MAPK4: variants seen among roughly 807,000 people sequenced by gnomAD.
The protein encoded by MAPK4 is mitogen-activated protein kinase 4.
In MAPK4, 22 loss-of-function variants were observed where a neutral mutation model predicts 47.7. The ratio of observed to expected loss-of-function variants is 0.46; its 90% confidence interval spans 0.33 to 0.66. The LOEUF (loss-of-function observed/expected upper bound fraction) is 0.66. Among genes scored for constraint, MAPK4 ranks in the 30% least tolerant of loss-of-function variants. MAPK4 has a pLI of 0.02. For missense variants in MAPK4, 736 were observed against 831.7 expected, an observed-to-expected ratio of 0.88 and a Z score of 1.42; for synonymous variants, 390 against 365.7, an observed-to-expected ratio of 1.07 and a Z score of -0.76.
chr18:50,627,762 G>T (rs561364689), intron 1 of MAPK4, among the ~76,000 whole-genome samples: 125 of 152,290 alleles, frequency 8.2e-4, no homozygotes, highest in Admixed American at 1.4e-3. Context: ...AGAATGCAGG[G>T]TCTCCCATGC....
At chr18:50,630,987 C>A (rs955790703) in intron 1 of MAPK4, among the ~76,000 whole-genome samples, 1 of 152,200 alleles carries the variant, frequency 6.6e-6, no homozygotes, top group East Asian at 1.9e-4. Context: ...TTTTACTACT[C>A]CCTAAAATTT....
chr18:50,580,997 C>T (rs141823748), intron 1 of MAPK4, among the ~76,000 whole-genome samples: 129 of 152,306 alleles, frequency 8.5e-4, no homozygotes, highest in African/African-American at 3.1e-3. Flanking sequence ...CTTCTGCTTA[C>T]CCAGTAGCAC....
chr18:50,664,388 A>C lies in MAPK4; in HGVS notation c.430A>C (p.Asn144His). The C allele has an allele frequency of 6.2e-7, 1 of 1,614,096 alleles. No individual in the cohort carries two copies. ...CGGGCTCAAGTACATCCACTCCGCC[A>C]ACGTGCTGCACAGGGACCTGAAGCC... ...LRGLKYIHSANVLHRDLKPAN... is the reference protein window; with the variant it reads ...LRGLKYIHSAHVLHRDLKPAN... Residue 144 changes from asparagine (N) to histidine (H), a missense_variant, in exon 2 of 6, where the codon AAC becomes CAC. Around this residue, in one of 3 missense-constraint regions of MAPK4, gnomAD observed 327 missense variants for 395.4 expected, o/e 0.83. Coordinates refer to ENST00000400384, the MANE Select transcript of MAPK4 (RefSeq NM_002747.4). This position sits in a 1 kb window ranked among gnomAD's most constrained non-coding sequence, Gnocchi z 6.0.
chr18:50,714,022 C>T (rs558457049), intron 2 of MAPK4, among the ~76,000 whole-genome samples: 17 of 152,290 alleles, frequency 1.1e-4, no homozygotes, highest in African/African-American at 4.1e-4. Flanking sequence ...ATTAATAGGT[C>T]AAAAGCTCCT....
chr18:50,696,486 A>G (rs1909519817), intron 2 of MAPK4, among the ~76,000 whole-genome samples: 1 of 152,178 alleles, frequency 6.6e-6, no homozygotes, highest in Admixed American at 6.5e-5. Context: ...TTGAGACACA[A>G]TTGGCTGAGT....
At chr18:50,679,327 A>C (rs1908450483) in intron 2 of MAPK4, among the ~76,000 whole-genome samples, 1 of 152,192 alleles carries the variant, frequency 6.6e-6, no homozygotes, top group Non-Finnish European at 1.5e-5. Context: ...GCCTGACTCT[A>C]ACCAATTTGC....
At chr18:50,691,920 A>G (rs1163067565) in intron 2 of MAPK4, among the ~76,000 whole-genome samples, 2 of 152,150 alleles carry the variant, frequency 1.3e-5, no homozygotes, top group Non-Finnish European at 1.5e-5. Flanking sequence ...CTGAGCACTC[A>G]GATCTACACT....
chr18:50,669,185 A>T (rs1483021273), intron 2 of MAPK4: 1 of 152,136 alleles, frequency 6.6e-6, no homozygotes, highest in East Asian at 1.9e-4. Flanking sequence ...AGCCCTTTCT[A>T]CCGCTTCCTC....
At chr18:50,593,264 A>T (rs935219962) in intron 1 of MAPK4, among the ~76,000 whole-genome samples, 5 of 152,082 alleles carry the variant, frequency 3.3e-5, no homozygotes, top group African/African-American at 1.2e-4. Flanking sequence ...TCATGTCATG[A>T]TTCATCCATT....
At chr18:50,583,048 G>A (rs1431404314) in intron 1 of MAPK4, among the ~76,000 whole-genome samples, 1 of 152,168 alleles carries the variant, frequency 6.6e-6, no homozygotes. Context: ...TTGAGTTCTG[G>A]GTTCATGTCC....
chr18:50,690,971 A>G (rs1243840393), intron 2 of MAPK4, among the ~76,000 whole-genome samples: 4 of 151,982 alleles, frequency 2.6e-5, no homozygotes, highest in Non-Finnish European at 5.9e-5. Flanking sequence ...GGCACAAAGG[A>G]AGGATTCATG....
rs574854804 is a variant in MAPK4, at chr18:50,563,466, G to T, written c.-871+3223G>T. 3.9e-5 allele frequency among the ~76,000 whole-genome samples: 6 copies of T among 152,252 alleles called. No individual in the cohort carries two copies. The East Asian group carries it at 9.6e-4, about 24-fold the overall frequency. On this transcript the variant is annotated intron_variant, in intron 1 of 5. Coordinates refer to ENST00000400384, the MANE Select transcript of MAPK4 (RefSeq NM_002747.4). ...GACTAGGCTAGGTGTCAGGTGGGGGGCATCACCCAGAACCAATTGAGGTTC... is the reference window on the plus strand; with the variant it reads ...GACTAGGCTAGGTGTCAGGTGGGGGTCATCACCCAGAACCAATTGAGGTTC...
intron 1 of MAPK4, among the ~76,000 whole-genome samples, chr18:50,587,124 G>A (rs1315094685): frequency 6.6e-6 from 1 of 152,224 alleles, no homozygotes; most frequent in East Asian, 1.9e-4. Flanking sequence ...TCAGGCAGAA[G>A]AGATTGCTGT....
chr18:50,710,827 A>G (rs1477674892), intron 2 of MAPK4, among the ~76,000 whole-genome samples: 2 of 146,134 alleles, frequency 1.4e-5, no homozygotes, highest in Non-Finnish European at 3.0e-5. Context: ...AAATAAATAA[A>G]TTCATCATAC....
At chr18:50,697,504 T>C (rs1598924731) in intron 2 of MAPK4, among the ~76,000 whole-genome samples, 1 of 152,238 alleles carries the variant, frequency 6.6e-6, no homozygotes, top group African/African-American at 2.4e-5. Context: ...TAAGTGCTTT[T>C]AGTAATACTG....
intron 2 of MAPK4, among the ~76,000 whole-genome samples, chr18:50,684,600 C>T (rs184529220): frequency 1.1e-4 from 16 of 151,844 alleles, no homozygotes; most frequent in African/African-American, 2.9e-4. Context: ...GCTCTGCCTT[C>T]GGGGGGTGAG....
intron 2 of MAPK4, among the ~76,000 whole-genome samples, chr18:50,686,543 C>A (rs1908889701): frequency 6.6e-6 from 1 of 152,234 alleles, no homozygotes. Context: ...ACCAAACCGA[C>A]ACAACTTCAT....
At chr18:50,560,996 G>A (rs2042148919) in intron 1 of MAPK4, among the ~76,000 whole-genome samples, 1 of 152,274 alleles carries the variant, frequency 6.6e-6, no homozygotes, top group South Asian at 2.1e-4. Flanking sequence ...GTGAAGCCGG[G>A]GTGGGCGGAT....
At chr18:50,606,386 G>C (rs2042583411) in intron 1 of MAPK4, among the ~76,000 whole-genome samples, 1 of 149,724 alleles carries the variant, frequency 6.7e-6, no homozygotes, top group Admixed American at 6.6e-5. Flanking sequence ...CAGGGATGTT[G>C]CCTGTTCAAA....
Sources: gnomAD v4.1 joint callset for allele counts (sites outside exome capture counted in the v4.1 genomes callset) on GRCh38, gnomAD v4.1.1 for gene constraint, gnomAD v4.1.1 regional missense constraint, Gnocchi (gnomAD v3.1) non-coding constraint, MANE v1.5 for transcripts, NCBI Gene and HGNC (gene_info 2026-07-23, HGNC 2026-07-21) for gene names.